ZC3H4: variants seen among roughly 807,000 people sequenced by gnomAD.
ZC3H4 encodes zinc finger CCCH domain-containing protein 4.
A neutral mutation model predicts 108.3 loss-of-function variants in ZC3H4; 13 were observed. The ratio of observed to expected loss-of-function variants is 0.12; its 90% CI spans 0.08 to 0.19. The LOEUF (loss-of-function observed/expected upper bound fraction) is 0.19, where lower values mean the gene tolerates loss of function less well. Ranked by LOEUF, ZC3H4 falls within the 10% of genes least tolerant of loss-of-function variation. The pLI is 1.00. For synonymous variants in ZC3H4, 917 were observed against 749.6 expected (o/e 1.22, Z -3.65); for missense variants, 1,734 against 1,838.8 (o/e 0.94, Z 1.04).
chr19:47,066,200 C>A lies in ZC3H4; in HGVS notation c.*156G>T. The stretch of plus-strand genomic sequence containing the variant: ...TTTACAAATCTCAAAGAAAGTACTA[C>A]TTTAAAAAAAAATAAAAGAGACGGA... On this transcript the variant is annotated 3_prime_UTR_variant, in exon 15 of 15. Transcript: ENST00000253048. The A allele has an allele frequency of 1.6e-6, 1 of 611,556 alleles. No individual in the cohort carries two copies. The highest frequency in any genetic ancestry group is 2.6e-6 in the Non-Finnish European group (1 of 382,102). 37.9% of individuals were successfully genotyped at this position (611,556 alleles called of 1,614,324 possible). A position where few individuals can be genotyped will look rare whatever the true frequency, so the allele number is the denominator to read the frequency against.
At position 47,066,452 on chromosome 19, in the gene ZC3H4, A is replaced by G. The variant is rs1211123880; in HGVS notation, c.3816T>C (p.Ala1272=). The G allele has an allele frequency of 3.2e-6, 5 of 1,579,950 alleles. No homozygotes were observed. In the Admixed American group the frequency reaches 5.5e-5, roughly 17 times the overall value. The change falls in exon 15 of 15, where the codon GCT becomes GCC. Residue 1272 remains alanine, a synonymous_variant. Coordinates refer to ENST00000253048, the MANE Select transcript of ZC3H4 (RefSeq NM_015168.2). ...CACCCTCGCGGGCCGGACTGTTCCCAGCAAATGGGCTTCCTGAGCCCGTCT... is the reference window on the plus strand; with the variant it reads ...CACCCTCGCGGGCCGGACTGTTCCCGGCAAATGGGCTTCCTGAGCCCGTCT... The part of the protein sequence containing the change: ...TPKTGSGSPF[A]GNSPAREGEQ...
intron 2 of ZC3H4, among the ~76,000 whole-genome samples, chr19:47,098,737 C>T (rs2123039883): frequency 6.6e-6 from 1 of 152,290 alleles, no homozygotes; most frequent in East Asian, 1.9e-4. Context: ...GCACTTCAGT[C>T]TGGGTGACAG....
At chr19:47,110,692 G>A (rs1568572285) in intron 2 of ZC3H4, among the ~76,000 whole-genome samples, 1 of 152,196 alleles carries the variant, frequency 6.6e-6, no homozygotes. Context: ...CTCCTTAGAG[G>A]TCGAATAAAG....
chr19:47,103,847 G>C (rs929463493), intron 2 of ZC3H4, among the ~76,000 whole-genome samples: 3 of 152,034 alleles, frequency 2.0e-5, no homozygotes, highest in African/African-American at 4.8e-5. Flanking sequence ...AGGAGGCTGA[G>C]GCAGGAGAAT....
intron 5 of ZC3H4, among the ~76,000 whole-genome samples, chr19:47,088,641 G>C (rs1166026105): frequency 6.6e-6 from 1 of 151,890 alleles, no homozygotes; most frequent in Non-Finnish European, 1.5e-5. Flanking sequence ...ATGGGTGACA[G>C]AGCAAGATTC....
At chr19:47,079,688 T>C (rs923152765) in intron 11 of ZC3H4, among the ~76,000 whole-genome samples, 1 of 152,116 alleles carries the variant, frequency 6.6e-6, no homozygotes, top group African/African-American at 2.4e-5. Context: ...ACAAGGTCAG[T>C]AGTTCGAGAC....
chr19:47,109,550 ATG>A (rs753075818), intron 2 of ZC3H4, among the ~76,000 whole-genome samples: 1 of 152,146 alleles, frequency 6.6e-6, no homozygotes, highest in Non-Finnish European at 1.5e-5. Flanking sequence ...GCCCTGGATA[ATG>A]TGTTTTGTTC....
chr19:47,074,628 C>G (rs1319239086), intron 11 of ZC3H4, among the ~76,000 whole-genome samples: 1 of 152,240 alleles, frequency 6.6e-6, no homozygotes, highest in African/African-American at 2.4e-5. Context: ...TAAACTGTTT[C>G]TGCAACCAAT....
chr19:47,106,375 T>C (rs2057968251), intron 2 of ZC3H4, among the ~76,000 whole-genome samples: 1 of 151,984 alleles, frequency 6.6e-6, no homozygotes, highest in Non-Finnish European at 1.5e-5. Flanking sequence ...AAGCCAAGAG[T>C]TCGAGGCTGC....
In ZC3H4 at chr19:47,084,351, G is replaced by A; in HGVS notation, c.1212C>T (p.Cys404=). Reference sequence around the variant, plus strand: ...AGCTTTCAGCGCTCCTTACCCAGGTGCAGCGCCCTTCCACGAAGTACTTGC... The same window carrying A: ...AGCTTTCAGCGCTCCTTACCCAGGTACAGCGCCCTTCCACGAAGTACTTGC... ...VICKYFVEGR[C]TWGDHCNFSH... is the part of the protein sequence containing the mutation. Residue 404 remains cysteine, a synonymous_variant, in exon 9 of 15, where the codon TGC becomes TGT. Coordinates refer to ENST00000253048, the MANE Select transcript of ZC3H4 (RefSeq NM_015168.2). 6.2e-7 allele frequency: 1 copy of A among 1,614,184 alleles called. No individual in the cohort carries two copies. Among genetic ancestry groups the A allele is most frequent in the Non-Finnish European group, 8.5e-7 (1 of 1,180,014 alleles).
intron 2 of ZC3H4, among the ~76,000 whole-genome samples, chr19:47,108,213 T>C (rs1173613951): frequency 6.6e-6 from 1 of 152,142 alleles, no homozygotes; most frequent in Admixed American, 6.6e-5. Flanking sequence ...CTTTGCTTGC[T>C]ATTCACTCTG....
At chr19:47,082,022 CCT>C (rs1429802875) in intron 10 of ZC3H4, among the ~76,000 whole-genome samples, 160 bp downstream of exon 10, 2 of 152,104 alleles carry the variant, frequency 1.3e-5, no homozygotes, top group Admixed American at 1.3e-4. Flanking sequence ...AAGACAGACC[CCT>C]CTGAGGGCGG....
intron 2 of ZC3H4, among the ~76,000 whole-genome samples, chr19:47,101,344 C>G (rs1332444344): frequency 6.6e-6 from 1 of 151,612 alleles, no homozygotes; most frequent in Admixed American, 6.6e-5. Flanking sequence ...ACTGCTTGAG[C>G]CCAGGAGTTA....
intron 5 of ZC3H4, among the ~76,000 whole-genome samples, chr19:47,087,144 C>T (rs186870997): frequency 2.3e-3 from 347 of 151,796 alleles, no homozygotes; most frequent in Non-Finnish European, 3.9e-3. Flanking sequence ...GGTGTGGTGG[C>T]GCACACCTGT....
intron 1 of ZC3H4, among the ~76,000 whole-genome samples, chr19:47,113,041 G>T (rs573510650): frequency 3.3e-5 from 5 of 152,370 alleles, no homozygotes; most frequent in African/African-American, 1.2e-4. Context: ...GAGACGGGCC[G>T]ACTGTCTCCC....
At chr19:47,082,813 G>T (rs1338018496) in intron 9 of ZC3H4, among the ~76,000 whole-genome samples, 2 of 152,164 alleles carry the variant, frequency 1.3e-5, no homozygotes, top group Admixed American at 1.3e-4. Flanking sequence ...TGCCCACCCA[G>T]CTCCAGACTC....
chr19:47,078,943 C>T (rs965768334), intron 11 of ZC3H4, among the ~76,000 whole-genome samples: 1 of 147,352 alleles, frequency 6.8e-6, no homozygotes, highest in African/African-American at 2.5e-5. Context: ...AGGAGAATCG[C>T]TTGAACCCAG....
chr19:47,065,975 T>G lies in ZC3H4; in HGVS notation c.*381A>C, dbSNP rs558895087. Reference sequence around the variant, plus strand: ...CAATACCTTCCCAGACACCAACTGTTCCCTTTGTCCTGGGGAAAAGGGGCC... The same window carrying G: ...CAATACCTTCCCAGACACCAACTGTGCCCTTTGTCCTGGGGAAAAGGGGCC... On this transcript the variant is annotated 3_prime_UTR_variant, in exon 15 of 15. Coordinates refer to ENST00000253048, the MANE Select transcript of ZC3H4 (RefSeq NM_015168.2). The G allele has an allele frequency of 2.3e-5, 4 of 173,982 alleles. No individual in the cohort carries two copies. The South Asian group carries it at 7.5e-4, about 33-fold the overall frequency. 10.8% of individuals were successfully genotyped at this position (173,982 alleles called of 1,614,324 possible).
At chr19:47,085,222 C>G (rs768144994) in intron 7 of ZC3H4, 27 bp from the exon 8 acceptor site, 2 of 1,589,038 alleles carry the variant, frequency 1.3e-6, no homozygotes, top group Non-Finnish European at 1.7e-6. Context: ...GTGTGAAGAC[C>G]TGCTGACCAC....
Sources: gnomAD v4.1 joint callset for allele counts (sites outside exome capture counted in the v4.1 genomes callset) on GRCh38, gnomAD v4.1.1 for gene constraint, MANE v1.5 for transcripts, NCBI Gene and HGNC (gene_info 2026-07-23, HGNC 2026-07-21) for gene names.